Variants in SLC41A2 observed in about 807,000 individuals in gnomAD.
The protein encoded by SLC41A2 is SLC41A1-like 1.
Under a neutral mutation model 58.3 loss-of-function variants are expected in SLC41A2, and 32 were observed. That is an observed-to-expected ratio of 0.55 (90% CI 0.41 to 0.74). SLC41A2 has a LOEUF of 0.74. SLC41A2 is among the 30% of genes least tolerant of loss of function. The probability of loss-of-function intolerance (pLI) is 0.00; values close to 1 mark genes in which losing one functional copy is unlikely to be tolerated. For missense variants in SLC41A2, 514 were observed against 680.6 expected, an observed-to-expected ratio of 0.76 and a Z score of 2.72; for synonymous variants, 190 against 235.0, an observed-to-expected ratio of 0.81 and a Z score of 1.75.
At chr12:104,847,249 A>C (rs1362021855) in intron 8 of SLC41A2, among the ~76,000 whole-genome samples, 1 of 152,140 alleles carries the variant, frequency 6.6e-6, no homozygotes, top group East Asian at 1.9e-4. Context: ...AAGGGGGAAA[A>C]AAATGGCATT....
At chr12:104,900,953 TTC>T (rs1211078915) in intron 3 of SLC41A2, among the ~76,000 whole-genome samples, 1 of 152,184 alleles carries the variant, frequency 6.6e-6, no homozygotes, top group African/African-American at 2.4e-5. Flanking sequence ...CAGAAACATT[TTC>T]TGTTTTGTTC....
chr12:104,863,095 T>C (rs1357586680), intron 7 of SLC41A2, among the ~76,000 whole-genome samples: 1 of 152,244 alleles, frequency 6.6e-6, no homozygotes, highest in African/African-American at 2.4e-5. Flanking sequence ...AGTAGTTTTA[T>C]TTGCTTTTAT....
rs1354967213 is a variant in SLC41A2, at chr12:104,889,163, T to C, written c.750A>G (p.Val250=). ...NLALKQVQAT[V]VGFLAAVAAI... Reference sequence around the variant, plus strand: ...CTGCCACAGCTGCTAGAAAACCCACTACTGTTGCCTGAACCTAAAATTTTT... The same window carrying C: ...CTGCCACAGCTGCTAGAAAACCCACCACTGTTGCCTGAACCTAAAATTTTT... The change falls in exon 5 of 11, where the codon GTA becomes GTG. Residue 250 remains valine, a synonymous_variant. Coordinates refer to ENST00000258538, the MANE Select transcript of SLC41A2 (RefSeq NM_001352171.3). The C allele has an allele frequency of 6.2e-7, 1 of 1,605,172 alleles. No individual in the cohort carries two copies.
At chr12:104,820,927 G>A (rs1453963119) in intron 10 of SLC41A2, among the ~76,000 whole-genome samples, 1 of 152,034 alleles carries the variant, frequency 6.6e-6, no homozygotes, top group East Asian at 1.9e-4. Context: ...TTACAGGCAT[G>A]AGCCACTGTG....
chr12:104,905,828 C>G (rs2045818672), intron 3 of SLC41A2, among the ~76,000 whole-genome samples: 1 of 152,276 alleles, frequency 6.6e-6, no homozygotes. Flanking sequence ...ACCAAGCCCA[C>G]GCCCACCCGG....
intron 10 of SLC41A2, among the ~76,000 whole-genome samples, chr12:104,822,193 A>G (rs767522967): frequency 2.6e-5 from 4 of 152,240 alleles, no homozygotes; most frequent in Non-Finnish European, 5.9e-5. Context: ...GAACACATTG[A>G]TTTTCTACTA....
intron 10 of SLC41A2, among the ~76,000 whole-genome samples, chr12:104,814,099 G>C (rs527786658): frequency 6.6e-6 from 1 of 152,170 alleles, no homozygotes; most frequent in East Asian, 1.9e-4. Context: ...AAGTGCTGTG[G>C]TCAAAACATA....
At chr12:104,957,250 A>T (rs2048202884) in intron 1 of SLC41A2, among the ~76,000 whole-genome samples, 1 of 152,250 alleles carries the variant, frequency 6.6e-6, no homozygotes, top group African/African-American at 2.4e-5. Context: ...AAAACATTAC[A>T]GTATGTCTTT....
At chr12:104,904,048 T>C (rs532113422) in intron 3 of SLC41A2, among the ~76,000 whole-genome samples, 21 of 152,372 alleles carry the variant, frequency 1.4e-4, no homozygotes, top group African/African-American at 4.8e-4. Flanking sequence ...AACGGTAGTA[T>C]GTGATCAAAT....
chr12:104,924,917 A>C (rs1168379971), intron 2 of SLC41A2, among the ~76,000 whole-genome samples: 1 of 152,176 alleles, frequency 6.6e-6, no homozygotes, highest in Non-Finnish European at 1.5e-5. Context: ...ACACACACAA[A>C]AAACCATGTT....
chr12:104,928,572 G>A lies in SLC41A2; in HGVS notation c.-45C>T, dbSNP rs748365652. The A allele has an allele frequency of 3.4e-5, 43 of 1,276,922 alleles. No individual in the cohort carries two copies. In the African/African-American group the frequency reaches 4.5e-4, roughly 13 times the overall value. 79.1% of individuals were successfully genotyped at this position (1,276,922 alleles called of 1,614,324 possible). A position where few individuals can be genotyped will look rare whatever the true frequency, so the allele number is the denominator to read the frequency against. On this transcript the variant is annotated 5_prime_UTR_variant, in exon 2 of 11. Coordinates refer to ENST00000258538, the MANE Select transcript of SLC41A2 (RefSeq NM_001352171.3). ...CTGTACTCCTTAGATCTCAAGCTTC[G>A]GGAACCACAGCAGATGAATCAGAAC... is the stretch of plus-strand genomic sequence containing the variant.
At chr12:104,938,318 G>A (rs778228890) in intron 1 of SLC41A2, among the ~76,000 whole-genome samples, 1 of 152,128 alleles carries the variant, frequency 6.6e-6, no homozygotes, top group Non-Finnish European at 1.5e-5. Context: ...TCTTCAAATT[G>A]TGCATATACA....
At chr12:104,822,275 C>CTAGG (rs1190786714) in intron 10 of SLC41A2, among the ~76,000 whole-genome samples, 4 of 152,276 alleles carry the variant, frequency 2.6e-5, no homozygotes, top group African/African-American at 9.6e-5. Context: ...TCAGCAGAGG[C>CTAGG]TAGGCCCTGT....
intron 1 of SLC41A2, among the ~76,000 whole-genome samples, chr12:104,930,374 G>A (rs1199599730): frequency 2.3e-4 from 35 of 151,758 alleles, no homozygotes; most frequent in Admixed American, 2.3e-3. Flanking sequence ...GAGCCTTCCA[G>A]GTAATGAAAG....
At chr12:104,905,992 T>A (rs9668618) in intron 3 of SLC41A2, among the ~76,000 whole-genome samples, 107,936 of 152,202 alleles carry the variant, frequency 0.71, 38,899 homozygotes, top group African/African-American at 0.84. Context: ...AGGGCTCCTC[T>A]AATGCCACCA....
intron 2 of SLC41A2, among the ~76,000 whole-genome samples, chr12:104,913,454 T>C (rs1186385417): frequency 6.6e-6 from 1 of 152,206 alleles, no homozygotes; most frequent in Non-Finnish European, 1.5e-5. Flanking sequence ...TGACCAGGAT[T>C]CCTTCCTGGT....
chr12:104,856,258 G>C (rs2043016940), intron 8 of SLC41A2, among the ~76,000 whole-genome samples: 1 of 152,002 alleles, frequency 6.6e-6, no homozygotes, highest in Non-Finnish European at 1.5e-5. Flanking sequence ...ACCAGTGAAG[G>C]AAAATGAAAA....
intron 10 of SLC41A2, among the ~76,000 whole-genome samples, chr12:104,829,901 C>A (rs1281209404): frequency 6.6e-6 from 1 of 152,178 alleles, no homozygotes; most frequent in East Asian, 1.9e-4. Context: ...TGGGACATAG[C>A]CATGCTTATG....
chr12:104,877,753 C>A (rs60809012), intron 6 of SLC41A2, among the ~76,000 whole-genome samples: 8,029 of 152,154 alleles, frequency 0.053, 290 homozygotes, highest in East Asian at 0.1. Flanking sequence ...AATCCTAGCA[C>A]TTTGGGAGGC....
Sources: allele counts gnomAD v4.1 joint callset (sites outside exome capture counted in the v4.1 genomes callset), GRCh38; gene constraint gnomAD v4.1.1; transcripts MANE v1.5; gene names NCBI Gene and HGNC (gene_info 2026-07-23, HGNC 2026-07-21).